LRP1B: variants seen among roughly 807,000 people sequenced by gnomAD.
The protein encoded by LRP1B is low-density lipoprotein receptor-related protein 1B.
A neutral mutation model predicts 556.6 loss-of-function variants in LRP1B; 217 were observed. The ratio of observed to expected loss-of-function variants is 0.39; its 90% CI spans 0.35 to 0.44. The LOEUF (loss-of-function observed/expected upper bound fraction) is 0.44, where lower values mean the gene tolerates loss of function less well. Ranked by LOEUF, LRP1B falls within the 20% of genes least tolerant of loss-of-function variation. The pLI is 1.00. For synonymous variants in LRP1B, 2,047 were observed against 1,865.8 expected, an observed-to-expected ratio of 1.10 and a Z score of -2.50; for missense variants, 5,053 against 5,620.8, an observed-to-expected ratio of 0.90 and a Z score of 3.23.
chr2:140,702,322 G>A (rs1334645516), intron 38 of LRP1B, 30 bp from the exon 39 acceptor site: 3 of 1,609,726 alleles, frequency 1.9e-6, no homozygotes, highest in Non-Finnish European at 2.5e-6. Context: ...TAACGTTACA[G>A]ACTATATTTG....
intron 2 of LRP1B, among the ~76,000 whole-genome samples, chr2:141,712,691 C>T (rs971490712): frequency 4.2e-4 from 64 of 151,832 alleles, no homozygotes; most frequent in Admixed American, 3.9e-4. Flanking sequence ...TGTTTTGAGA[C>T]GGAGTTTCAC....
At chr2:141,791,782 C>A (rs940749071) in intron 2 of LRP1B, among the ~76,000 whole-genome samples, 1 of 152,014 alleles carries the variant, frequency 6.6e-6, no homozygotes, top group Admixed American at 6.6e-5. Flanking sequence ...AGTAAGCAGT[C>A]CTGCCCTCTT....
At chr2:141,330,851 T>C (rs1343373087) in intron 3 of LRP1B, among the ~76,000 whole-genome samples, 6 of 150,772 alleles carry the variant, frequency 4.0e-5, no homozygotes, top group Non-Finnish European at 8.8e-5. Context: ...CTCCCAGGCT[T>C]AGGCCATTCT....
At chr2:140,435,158 T>A (rs1361327713) in intron 66 of LRP1B, among the ~76,000 whole-genome samples, 1 of 152,170 alleles carries the variant, frequency 6.6e-6, no homozygotes, top group East Asian at 1.9e-4. Context: ...CAGAAGCTTA[T>A]AATCTAAAAC....
intron 13 of LRP1B, among the ~76,000 whole-genome samples, chr2:141,015,206 A>G (rs990117455): frequency 7.2e-5 from 11 of 152,240 alleles, no homozygotes; most frequent in Non-Finnish European, 1.5e-5. Flanking sequence ...TAGCAAAAAA[A>G]GCAAGAGGAA....
At chr2:142,054,032 T>A (rs1317218155) in intron 1 of LRP1B, among the ~76,000 whole-genome samples, 1 of 152,104 alleles carries the variant, frequency 6.6e-6, no homozygotes, top group Non-Finnish European at 1.5e-5. Context: ...CGATCACACT[T>A]TAAGCTAATC....
At chr2:141,541,400 A>C (rs1685254921) in intron 2 of LRP1B, among the ~76,000 whole-genome samples, 1 of 152,080 alleles carries the variant, frequency 6.6e-6, no homozygotes, top group African/African-American at 2.4e-5. Context: ...GCTAAGTCTT[A>C]AAAACAGTAA....
chr2:141,110,908 G>A (rs1314861399), intron 7 of LRP1B, among the ~76,000 whole-genome samples: 1 of 152,020 alleles, frequency 6.6e-6, no homozygotes, highest in Admixed American at 6.6e-5. Flanking sequence ...GCTTTAAGTG[G>A]GTCCCCACAC....
chr2:141,443,703 T>TC (rs1266463987), intron 3 of LRP1B, among the ~76,000 whole-genome samples: 1 of 151,930 alleles, frequency 6.6e-6, no homozygotes, highest in African/African-American at 2.4e-5. Flanking sequence ...CCCCATTGCT[T>TC]GTTTTTGTCA....
chr2:141,490,828 A>C (rs909145838), intron 2 of LRP1B, among the ~76,000 whole-genome samples: 1 of 151,486 alleles, frequency 6.6e-6, no homozygotes, highest in Admixed American at 6.6e-5. Flanking sequence ...CATTCTTCAT[A>C]TTTCTGAATT....
chr2:141,999,699 A>C (rs1448023157), intron 1 of LRP1B, among the ~76,000 whole-genome samples: 5 of 151,918 alleles, frequency 3.3e-5, no homozygotes, highest in Non-Finnish European at 7.4e-5. Context: ...TTTTCTCATT[A>C]AATTAAAGCA....
chr2:141,319,299 GT>G lies in LRP1B; in HGVS notation c.344-64659del, dbSNP rs201761576. ...CATAATGTAGTCTCTAAAAAGCAGT[GT>G]TTTTTTGTTGTTTTTTTTTTTTTTC... On this transcript the variant is annotated intron_variant, in intron 3 of 90. Transcript: ENST00000389484. 5.0e-5 allele frequency among the ~76,000 whole-genome samples: 4 copies of G among 80,464 alleles called. No homozygotes were observed. The South Asian group carries it at 1.2e-3, about 23-fold the overall frequency. 52.8% of individuals were successfully genotyped at this position (80,464 alleles called of 152,430 possible).
At chr2:140,286,816 A>T (rs1683170929) in intron 84 of LRP1B, among the ~76,000 whole-genome samples, 1 of 151,966 alleles carries the variant, frequency 6.6e-6, no homozygotes, top group African/African-American at 2.4e-5. Context: ...ATAAGCACTC[A>T]AAGTATCTAT....
At chr2:141,340,345 T>G (rs1688012026) in intron 3 of LRP1B, among the ~76,000 whole-genome samples, 1 of 152,314 alleles carries the variant, frequency 6.6e-6, no homozygotes, top group Non-Finnish European at 1.5e-5. Context: ...TTCAACACAT[T>G]TCAAAGTCTC....
chr2:141,761,751 C>A (rs1694557782), intron 2 of LRP1B, among the ~76,000 whole-genome samples: 1 of 152,068 alleles, frequency 6.6e-6, no homozygotes, highest in Admixed American at 6.6e-5. Flanking sequence ...TGCCAAAAAC[C>A]CAGCTTCAAA....
intron 84 of LRP1B, among the ~76,000 whole-genome samples, chr2:140,286,658 A>G (rs1265096424): frequency 4.0e-5 from 6 of 151,890 alleles, no homozygotes; most frequent in Non-Finnish European, 5.9e-5. Context: ...CTTACTTTCA[A>G]TGACTCAATG....
intron 84 of LRP1B, among the ~76,000 whole-genome samples, chr2:140,282,033 C>G (rs1481262227): frequency 6.6e-6 from 1 of 151,694 alleles, no homozygotes; most frequent in Non-Finnish European, 1.5e-5. Context: ...GTACTGGAAG[C>G]CTAAGTCCAG....
intron 3 of LRP1B, among the ~76,000 whole-genome samples, chr2:141,459,344 G>A (rs1681766197): frequency 6.6e-6 from 1 of 152,050 alleles, no homozygotes; most frequent in Admixed American, 6.6e-5. Context: ...TTACTACAGG[G>A]CTTGTGTCAT....
chr2:141,090,821 G>T (rs1410265149), intron 7 of LRP1B, among the ~76,000 whole-genome samples: 1 of 152,120 alleles, frequency 6.6e-6, no homozygotes. Context: ...GAGGTGGAGT[G>T]AGTGTAGGCT....
Sources: gnomAD v4.1 joint callset for allele counts (sites outside exome capture counted in the v4.1 genomes callset) on GRCh38, gnomAD v4.1.1 for gene constraint, MANE v1.5 for transcripts, NCBI Gene and HGNC (gene_info 2026-07-23, HGNC 2026-07-21) for gene names.